The following DMD variants were observed in gnomAD, a reference collection of about 807,000 sequenced individuals.
DMD encodes the protein mutant dystrophin.
Under a neutral mutation model 330.1 loss-of-function variants are expected in DMD, and 63 were observed. The ratio of observed to expected loss-of-function variants is 0.19; its 90% CI spans 0.16 to 0.24. The LOEUF (loss-of-function observed/expected upper bound fraction) is 0.24, where lower values mean the gene tolerates loss of function less well. Ranked by LOEUF, DMD falls within the 10% of genes least tolerant of loss-of-function variation. The pLI is 1.00. For missense variants in DMD, 3,344 were observed against 2,684.1 expected, an observed-to-expected ratio of 1.25 and a Z score of -5.43; for synonymous variants, 1,223 against 959.8, an observed-to-expected ratio of 1.27 and a Z score of -5.07.
Position 32,775,872 on chromosome X carries a change from G to A in DMD, c.649+33621C>T, listed in dbSNP as rs182232043. On this transcript the variant is annotated intron_variant, in intron 7 of 78. Transcript: ENST00000357033. ...AGAAAATGGGTTTTTCTTTTCTGCC[G>A]CATGGACAGGCTGCAAATTTTCCAA... is the stretch of plus-strand genomic sequence containing the variant. Among the ~76,000 whole-genome samples, 11 of 112,603 alleles carry A rather than the reference G, an allele frequency of 9.8e-5. No homozygotes were observed. In the East Asian group the frequency reaches 1.1e-3, roughly 11 times the overall value.
intron 55 of DMD, among the ~76,000 whole-genome samples, chrX:31,558,307 T>C (rs2074975320): frequency 8.9e-6 from 1 of 111,803 alleles, no homozygotes; most frequent in Admixed American, 9.5e-5. Context: ...TGAGAGCTTA[T>C]GACCTCTTTC....
At chrX:31,705,220 T>C (rs1340923004) in intron 52 of DMD, among the ~76,000 whole-genome samples, 1 of 112,496 alleles carries the variant, frequency 8.9e-6, no homozygotes, top group Non-Finnish European at 1.9e-5. Context: ...GATGTTAGCA[T>C]AGGAGTCCAG....
chrX:32,839,078 T>C (rs1274461962), intron 4 of DMD, among the ~76,000 whole-genome samples: 3 of 111,858 alleles, frequency 2.7e-5, no homozygotes, highest in African/African-American at 6.5e-5. Context: ...GTAGTGTTTT[T>C]TTAGTCATTG....
intron 4 of DMD, among the ~76,000 whole-genome samples, chrX:32,826,946 G>T (rs2078741847): frequency 9.2e-6 from 1 of 109,273 alleles, no homozygotes; most frequent in Admixed American, 1.0e-4. Context: ...ATGCTACATG[G>T]TATATACAAT....
intron 60 of DMD, among the ~76,000 whole-genome samples, chrX:31,366,999 T>C (rs999414701): frequency 4.5e-5 from 5 of 111,531 alleles, no homozygotes; most frequent in Non-Finnish European, 9.4e-5. Context: ...CTTTTCTCTA[T>C]TGTAGTCTCT....
chrX:32,692,308 C>A (rs1385470325), intron 9 of DMD, among the ~76,000 whole-genome samples: 1 of 112,007 alleles, frequency 8.9e-6, no homozygotes, highest in Non-Finnish European at 1.9e-5. Flanking sequence ...TAGAGTTGAG[C>A]TAAAACCTAA....
intron 50 of DMD, among the ~76,000 whole-genome samples, chrX:31,796,399 G>C (rs2091832720): frequency 1.8e-5 from 2 of 112,530 alleles, no homozygotes; most frequent in African/African-American, 6.5e-5. Flanking sequence ...AACATGGCCA[G>C]TCCATTAGAT....
chrX:32,956,515 T>A (rs1394519327), intron 2 of DMD, among the ~76,000 whole-genome samples: 1 of 111,646 alleles, frequency 9.0e-6, no homozygotes, highest in Non-Finnish European at 1.9e-5. Flanking sequence ...CTGTTGTTGG[T>A]GTATAGGAAT....
chrX:32,870,366 G>C (rs747074250), intron 2 of DMD, among the ~76,000 whole-genome samples: 1 of 111,526 alleles, frequency 9.0e-6, no homozygotes, highest in Non-Finnish European at 1.9e-5. Flanking sequence ...ATAATTTATA[G>C]ATTCAATGCT....
At chrX:33,166,729 C>G (rs2049071647) in intron 1 of DMD, among the ~76,000 whole-genome samples, 1 of 109,848 alleles carries the variant, frequency 9.1e-6, no homozygotes. Context: ...AACAAAAAGT[C>G]ATGGCTGGGC....
chrX:32,573,678 A>T lies in DMD; in HGVS notation c.1705-41T>A, dbSNP rs1210200624. 3.3e-6 allele frequency: 4 copies of T among 1,195,358 alleles called. No homozygotes were observed. The African/African-American group carries it at 5.3e-5, about 16-fold the overall frequency. ...GAATTCCAAGGAATAAATAAACATA[A>T]ATCTTTACTTTTCCAATTTAATATC... is the stretch of plus-strand genomic sequence containing the variant. On this transcript the variant is annotated intron_variant, in intron 14 of 78. Coordinates refer to ENST00000357033, the MANE Select transcript of DMD (RefSeq NM_004006.3).
chrX:32,521,180 GTTTAT>G (rs1191276047), intron 17 of DMD, among the ~76,000 whole-genome samples: 5 of 111,556 alleles, frequency 4.5e-5, no homozygotes, highest in African/African-American at 1.3e-4. Context: ...TCTAGTATTT[GTTTAT>G]TTTGAGACGG....
At chrX:32,105,172 C>T (rs529191113) in intron 44 of DMD, among the ~76,000 whole-genome samples, 1 of 111,636 alleles carries the variant, frequency 9.0e-6, no homozygotes, top group African/African-American at 3.2e-5. Context: ...ACCAAAAATG[C>T]CTCCCTTGTT....
At chrX:31,588,868 CTA>C (rs750749946) in intron 55 of DMD, among the ~76,000 whole-genome samples, 4 of 90,946 alleles carry the variant, frequency 4.4e-5, no homozygotes, top group Non-Finnish European at 8.4e-5. Flanking sequence ...ATAGCAAAGT[CTA>C]TGTTTTTTTT....
chrX:31,815,806 A>T (rs188340749), intron 50 of DMD, among the ~76,000 whole-genome samples: 1 of 111,735 alleles, frequency 8.9e-6, no homozygotes, highest in East Asian at 2.8e-4. Flanking sequence ...ACTTAGCAGA[A>T]GTAACCTACA....
intron 16 of DMD, among the ~76,000 whole-genome samples, chrX:32,562,571 T>G (rs186967580): frequency 1.8e-4 from 20 of 112,857 alleles, no homozygotes; most frequent in African/African-American, 6.1e-4. Flanking sequence ...AAAGAATTTT[T>G]GAAACAATTG....
chrX:32,501,526 A>G (rs2044051894), intron 19 of DMD, among the ~76,000 whole-genome samples: 1 of 111,838 alleles, frequency 8.9e-6, no homozygotes, highest in Admixed American at 9.5e-5. Flanking sequence ...TCTGCTACAG[A>G]CTGATAAAAT....
intron 47 of DMD, among the ~76,000 whole-genome samples, chrX:31,926,342 A>G: frequency 8.9e-6 from 1 of 111,863 alleles, no homozygotes; most frequent in African/African-American, 3.2e-5. Context: ...AGAAATAGCT[A>G]TATTATCTTC....
intron 44 of DMD, among the ~76,000 whole-genome samples, chrX:32,090,395 C>T (rs761311433): frequency 1.8e-5 from 2 of 112,001 alleles, no homozygotes; most frequent in East Asian, 2.8e-4. Context: ...CTTCAGATTA[C>T]AGGTGTTTCT....
Sources: gnomAD v4.1 joint callset for allele counts (sites outside exome capture counted in the v4.1 genomes callset) on GRCh38, gnomAD v4.1.1 for gene constraint, MANE v1.5 for transcripts, NCBI Gene and HGNC (gene_info 2026-07-23, HGNC 2026-07-21) for gene names.